IGSF11: variants seen among roughly 807,000 people sequenced by gnomAD.
IGSF11 encodes the protein immunoglobulin superfamily member 11.
A neutral mutation model predicts 41.0 loss-of-function variants in IGSF11; 22 were observed. The ratio of observed to expected loss-of-function variants is 0.54; its 90% CI spans 0.38 to 0.77. The LOEUF is 0.77. IGSF11 is among the 30% of genes least tolerant of loss of function. IGSF11 has a pLI of 0.00. For synonymous variants in IGSF11, 219 were observed against 201.3 expected, an observed-to-expected ratio of 1.09 and a Z score of -0.74; for missense variants, 444 against 530.8, an observed-to-expected ratio of 0.84 and a Z score of 1.61.
intron 1 of IGSF11, among the ~76,000 whole-genome samples, chr3:119,128,448 GAC>G (rs1399435001): frequency 1.3e-5 from 2 of 152,130 alleles, no homozygotes; most frequent in African/African-American, 2.4e-5. Context: ...CTAATTAAAA[GAC>G]ACAGACTGGC....
rs997943638 is a variant in IGSF11 at position 119,034,690 on chromosome 3, C to A, written c.-108G>T. The A allele has an allele frequency of 4.0e-5, 56 of 1,402,058 alleles. No homozygotes were observed. The highest frequency in any genetic ancestry group is 5.0e-5 in the Non-Finnish European group (54 of 1,069,750). 86.9% of individuals were successfully genotyped at this position (1,402,058 alleles called of 1,614,324 possible). ...TTGGGGCAGCCTGGTCCTCCCACACCCAGCGCCGGGCCGCTGTTCCCCGCG... is the reference window on the plus strand; with the variant it reads ...TTGGGGCAGCCTGGTCCTCCCACACACAGCGCCGGGCCGCTGTTCCCCGCG... On this transcript the variant is annotated 5_prime_UTR_variant, in exon 1 of 7. Transcript: ENST00000393775.
chr3:118,968,419 C>T (rs1932959436), intron 1 of IGSF11, among the ~76,000 whole-genome samples: 1 of 151,794 alleles, frequency 6.6e-6, no homozygotes, highest in Non-Finnish European at 1.5e-5. Context: ...TGGGGAAGTA[C>T]TCTTCTGTGA....
chr3:119,143,856 G>A (rs77809597), intron 1 of IGSF11, among the ~76,000 whole-genome samples: 3,265 of 152,252 alleles, frequency 0.021, 122 homozygotes, highest in South Asian at 0.17. Flanking sequence ...AAAATGTTAT[G>A]AGGGACGAAG....
chr3:119,126,617 C>T (rs769193965), intron 1 of IGSF11, among the ~76,000 whole-genome samples: 1 of 152,212 alleles, frequency 6.6e-6, no homozygotes, highest in Admixed American at 6.5e-5. Context: ...AACGATCCTA[C>T]TGGCATCAGG....
At chr3:119,012,029 C>T (rs548039597) in intron 1 of IGSF11, among the ~76,000 whole-genome samples, 1 of 148,366 alleles carries the variant, frequency 6.7e-6, no homozygotes, top group Admixed American at 6.7e-5. Context: ...TACACACACA[C>T]AGAGAGAGAG....
intron 1 of IGSF11, among the ~76,000 whole-genome samples, chr3:119,010,709 C>CTCAACT (rs1239471542): frequency 6.6e-6 from 1 of 152,212 alleles, no homozygotes; most frequent in Non-Finnish European, 1.5e-5. Flanking sequence ...TCATGGGACT[C>CTCAACT]TCAACTTCCA....
chr3:119,015,147 G>T (rs1161404892), intron 1 of IGSF11, among the ~76,000 whole-genome samples: 1 of 152,158 alleles, frequency 6.6e-6, no homozygotes, highest in African/African-American at 2.4e-5. Context: ...CAAAACGGAA[G>T]TATAAAACTA....
At chr3:119,033,201 T>C (rs1940583867) in intron 1 of IGSF11, among the ~76,000 whole-genome samples, 2 of 152,216 alleles carry the variant, frequency 1.3e-5, no homozygotes, top group South Asian at 4.1e-4. Context: ...ACTTTAATAA[T>C]AGAATGTTCT....
intron 1 of IGSF11, among the ~76,000 whole-genome samples, chr3:118,983,649 CA>C (rs1201635740): frequency 2.0e-5 from 3 of 152,026 alleles, no homozygotes; most frequent in African/African-American, 7.2e-5. Context: ...TCCAGTTACA[CA>C]AATGAGAAAA....
At chr3:119,090,046 C>CA (rs1276350590) in intron 1 of IGSF11, among the ~76,000 whole-genome samples, 1 of 151,848 alleles carries the variant, frequency 6.6e-6, no homozygotes, top group Non-Finnish European at 1.5e-5. Context: ...AACCAAAAAA[C>CA]AAAAAAGATA....
At chr3:119,052,657 C>T (rs2107438039) in intron 1 of IGSF11, among the ~76,000 whole-genome samples, 1 of 151,794 alleles carries the variant, frequency 6.6e-6, no homozygotes, top group African/African-American at 2.4e-5. Context: ...CCAGTATTAC[C>T]CTAATACCAA....
At chr3:118,956,701 GA>G (rs2107593321) in intron 1 of IGSF11, among the ~76,000 whole-genome samples, 1 of 152,128 alleles carries the variant, frequency 6.6e-6, no homozygotes, top group East Asian at 1.9e-4. Context: ...CAAAGCTGCA[GA>G]GTTAAGAAAA....
chr3:119,079,117 G>C (rs1447658345), intron 1 of IGSF11, among the ~76,000 whole-genome samples: 4 of 152,088 alleles, frequency 2.6e-5, no homozygotes, highest in Non-Finnish European at 5.9e-5. Flanking sequence ...CAGCACTTTG[G>C]GAAGCCGAAG....
At chr3:119,110,765 A>C (rs1576813001) in intron 1 of IGSF11, among the ~76,000 whole-genome samples, 1 of 151,506 alleles carries the variant, frequency 6.6e-6, no homozygotes, top group Admixed American at 6.6e-5. Context: ...TTCCTTCAGG[A>C]GCTCTTTTAG....
intron 4 of IGSF11, among the ~76,000 whole-genome samples, chr3:118,911,075 C>T (rs988759927): frequency 2.0e-5 from 3 of 152,128 alleles, no homozygotes; most frequent in African/African-American, 7.2e-5. Flanking sequence ...CCCCAACACT[C>T]AACTCTGAAG....
intron 1 of IGSF11, among the ~76,000 whole-genome samples, chr3:119,077,821 T>C (rs2076525607): frequency 1.3e-5 from 2 of 152,162 alleles, no homozygotes; most frequent in African/African-American, 4.8e-5. Context: ...TATAAATAAC[T>C]TTAGCAAAGT....
intron 1 of IGSF11, among the ~76,000 whole-genome samples, chr3:119,088,182 T>A (rs1559860419): frequency 6.6e-6 from 1 of 151,176 alleles, no homozygotes; most frequent in African/African-American, 2.4e-5. Context: ...ATAAAGCAAG[T>A]CTCAAAAAAT....
intron 1 of IGSF11, among the ~76,000 whole-genome samples, chr3:119,031,234 A>C (rs1180387434): frequency 6.6e-6 from 1 of 151,862 alleles, no homozygotes; most frequent in Admixed American, 6.6e-5. Context: ...TCCAGCCTGG[A>C]CAACAAAAGC....
At chr3:118,984,699 T>C (rs995713520) in intron 1 of IGSF11, among the ~76,000 whole-genome samples, 2 of 152,052 alleles carry the variant, frequency 1.3e-5, no homozygotes, top group East Asian at 1.9e-4. Flanking sequence ...AAAATATGTA[T>C]AGAAAGTAAA....
Sources: gnomAD v4.1 joint callset for allele counts (sites outside exome capture counted in the v4.1 genomes callset) on GRCh38, gnomAD v4.1.1 for gene constraint, MANE v1.5 for transcripts, NCBI Gene and HGNC (gene_info 2026-07-23, HGNC 2026-07-21) for gene names.